PPP1R12C: variants seen among roughly 807,000 people sequenced by gnomAD.
The protein encoded by PPP1R12C is leukocyte receptor cluster (LRC) encoded novel gene 3.
A neutral mutation model predicts 95.6 loss-of-function variants in PPP1R12C; 48 were observed. The observed-to-expected ratio is 0.50, with a 90% CI of 0.40 to 0.64. The LOEUF (loss-of-function observed/expected upper bound fraction) is 0.64, where lower values mean the gene tolerates loss of function less well. PPP1R12C is among the 30% of genes least tolerant of loss of function. PPP1R12C has a pLI of 0.00. For missense variants in PPP1R12C, 1,057 were observed against 1,083.3 expected (o/e 0.98, Z 0.34); for synonymous variants, 480 against 460.8 (o/e 1.04, Z -0.53).
intron 3 of PPP1R12C, among the ~76,000 whole-genome samples, chr19:55,108,415 G>A (rs547292343): frequency 2.6e-5 from 4 of 151,840 alleles, no homozygotes; most frequent in African/African-American, 9.6e-5. Flanking sequence ...GATCACTTGA[G>A]CTCAAGAGTT....
chr19:55,103,486 C>T lies in PPP1R12C; in HGVS notation c.654G>A (p.Met218Ile). The part of the protein sequence containing the change: ...DTRCWLNGGA[M>I]PEARHPRTGA... ...CTGTGCGGGGGTGCCGGGCCTCTGG[C>T]ATGGCGCCCCCATTCAGCCAGCACC... Residue 218 changes from methionine to isoleucine, a missense_variant, in exon 4 of 22, where the codon ATG (methionine) becomes ATA (isoleucine). By Grantham distance (10) the Met-to-Ile change is conservative. Around this residue, in one of 5 missense-constraint regions of PPP1R12C, gnomAD observed 282 missense variants for 380.4 expected, o/e 0.74. Transcript: ENST00000263433. The T allele has an allele frequency of 1.2e-6, 2 of 1,603,756 alleles. No homozygotes were observed. The highest frequency in any genetic ancestry group is 2.2e-5 in the South Asian group (2 of 90,380).
Position 55,109,138 on chromosome 19 carries a change from A to T in PPP1R12C, c.571+3329T>A, listed in dbSNP as rs961573307. On this transcript the variant is annotated intron_variant, in intron 3 of 21. Coordinates refer to ENST00000263433, the MANE Select transcript of PPP1R12C (RefSeq NM_017607.4). The surrounding 1 kb of genome is among the most constrained non-coding windows in gnomAD (Gnocchi z 4.4). The stretch of plus-strand genomic sequence containing the variant: ...TTTTGTTTTGGTTTATTTGGTTGAG[A>T]CAGGGTCTTGCCCCCAGGCTGGAGT... Among the ~76,000 whole-genome samples the T allele has an allele frequency of 6.6e-6, 1 of 152,076 alleles. No homozygotes were observed. The highest frequency in any genetic ancestry group is 6.6e-5 in the Admixed American group (1 of 15,254).
intron 4 of PPP1R12C, among the ~76,000 whole-genome samples, chr19:55,101,900 G>T (rs892534526): frequency 6.6e-6 from 1 of 152,124 alleles, no homozygotes; most frequent in African/African-American, 2.4e-5. Flanking sequence ...GCTGTTACAG[G>T]TGCTAAGCCG....
chr19:55,092,741 G>C (rs1050608084), intron 16 of PPP1R12C, 42 bp downstream of exon 16: 1 of 1,537,422 alleles, frequency 6.5e-7, no homozygotes, highest in Non-Finnish European at 8.8e-7. Context: ...CCGCCCCCCG[G>C]CCCACCCTCT....
chr19:55,107,358 G>T (rs1461068135), intron 3 of PPP1R12C, among the ~76,000 whole-genome samples: 2 of 152,078 alleles, frequency 1.3e-5, no homozygotes. Flanking sequence ...AGGTTGCAGT[G>T]AGTCAAGACC....
At chr19:55,116,590 A>C (rs1295903426) in intron 1 of PPP1R12C, among the ~76,000 whole-genome samples, 1 of 152,118 alleles carries the variant, frequency 6.6e-6, no homozygotes, top group Non-Finnish European at 1.5e-5. Context: ...TGGGAAGGGG[A>C]AACAGTGGGC....
chr19:55,113,756 C>T (rs2085123812), intron 1 of PPP1R12C: 2 of 387,816 alleles, frequency 5.2e-6, no homozygotes, highest in Admixed American at 4.8e-5. Flanking sequence ...TGTGAAGGGG[C>T]CGCACGTGCC....
At chr19:55,094,593 A>C in intron 12 of PPP1R12C, 68 bp downstream of exon 12, 4 of 1,526,710 alleles carry the variant, frequency 2.6e-6, no homozygotes, top group Non-Finnish European at 3.5e-6. Context: ...AAGCCCCGGG[A>C]CTCCTGCTTC....
Position 55,112,765 on chromosome 19 carries a change from G to C in PPP1R12C, c.352C>G (p.Arg118Gly). ...GTGGCGCCCTGCTCCACCAAGAAGC[G>C]CACCACCTCCAGGTTCTCATCAATG... ...ACIDENLEVV[R>G]FLVEQGATVN... Residue 118 changes from arginine to glycine, a missense_variant, in exon 2 of 22, where the codon CGC becomes GGC. By Grantham distance (125) the Arg-to-Gly change is moderately radical. This residue lies in a region of PPP1R12C where 282 missense variants were observed against 380.4 expected (regional missense o/e 0.74). Coordinates refer to ENST00000263433, the MANE Select transcript of PPP1R12C (RefSeq NM_017607.4). The C allele has an allele frequency of 1.2e-6, 2 of 1,613,442 alleles. No individual in the cohort carries two copies. The highest frequency in any genetic ancestry group is 1.7e-6 in the Non-Finnish European group (2 of 1,179,976).
chr19:55,116,662 C>T (rs576852645), intron 1 of PPP1R12C, among the ~76,000 whole-genome samples: 8 of 152,248 alleles, frequency 5.3e-5, no homozygotes, highest in African/African-American at 1.9e-4. Flanking sequence ...GAGACGGCAG[C>T]GTTAGAGGGC....
intron 3 of PPP1R12C, 24 bp downstream of exon 3, chr19:55,112,443 C>T (rs1353329459): frequency 1.3e-6 from 2 of 1,597,896 alleles, no homozygotes; most frequent in Non-Finnish European, 8.5e-7. Context: ...TCCCCCACCC[C>T]ACACACAGCA....
chr19:55,101,539 A>T (rs1602989412), intron 4 of PPP1R12C, among the ~76,000 whole-genome samples: 2 of 152,200 alleles, frequency 1.3e-5, no homozygotes, highest in Non-Finnish European at 2.9e-5. Flanking sequence ...CCGCTTGCGG[A>T]CTGCTCTTTT....
At position 55,117,601 on chromosome 19, in the gene PPP1R12C, C is replaced by T. The variant is rs1191231194; in HGVS notation, c.-58G>A. The T allele has an allele frequency of 1.1e-6, 1 of 898,964 alleles. No homozygotes were observed. Among genetic ancestry groups the T allele is most frequent in the Non-Finnish European group, 1.3e-6 (1 of 763,584 alleles). 55.7% of individuals were successfully genotyped at this position (898,964 alleles called of 1,614,324 possible). On this transcript the variant is annotated 5_prime_UTR_variant, in exon 1 of 22. The change creates a new upstream start codon in the 5' untranslated region. Transcript: ENST00000263433. ...CGCCGAGCCCCAACCGCCGCCACCA[C>T]CCGCCCGCCCGCCCGCCCCGGGGGC... is the stretch of plus-strand genomic sequence containing the variant.
In PPP1R12C at chr19:55,113,526, A is replaced by G. The variant is rs957177269; in HGVS notation, c.322-731T>C. 1.7e-5 allele frequency: 23 copies of G among 1,388,254 alleles called. No individual in the cohort carries two copies. The African/African-American group carries it at 2.2e-4, about 13-fold the overall frequency. 86.0% of individuals were successfully genotyped at this position (1,388,254 alleles called of 1,614,324 possible). A position where few individuals can be genotyped will look rare whatever the true frequency, so the allele number is the denominator to read the frequency against. ...GGGGTCCAAAACTTGGGGGGACAAA[A>G]GCCGAAGTCCAGGGGGTCGGAGGAG... On this transcript the variant is annotated intron_variant, in intron 1 of 21. Transcript: ENST00000263433.
intron 4 of PPP1R12C, among the ~76,000 whole-genome samples, chr19:55,100,191 C>T (rs2084965763): frequency 6.6e-6 from 1 of 152,204 alleles, no homozygotes; most frequent in African/African-American, 2.4e-5. Flanking sequence ...ATCCCCCTGT[C>T]TCCTGACCCC....
intron 9 of PPP1R12C, 37 bp from the exon 10 acceptor site, chr19:55,095,640 A>G (rs773324350): frequency 4.1e-5 from 63 of 1,521,938 alleles, no homozygotes; most frequent in Non-Finnish European, 5.2e-5. Flanking sequence ...GAGAGAAAGG[A>G]TCCCTCTTCT....
In PPP1R12C at chr19:55,117,485, T is replaced by TCCCGGGCAGCCGCCGCCGCCGCC; in HGVS notation, c.36_58dup (p.Glu20GlyfsTer58). On this transcript the variant is annotated frameshift_variant, in exon 1 of 22. Transcript: ENST00000263433. LOFTEE classifies it high-confidence loss of function. ...CTGCCGCAGCTGCTCCCGTCGCCGC[T>TCCCGGGCAGCCGCCGCCGCCGCC]CCCGGGCAGCCGCCGCCGCCGCCCC... The TCCCGGGCAGCCGCCGCCGCCGCC allele has an allele frequency of 9.8e-7, 1 of 1,020,218 alleles. No homozygotes were observed. Among genetic ancestry groups the TCCCGGGCAGCCGCCGCCGCCGCC allele is most frequent in the Non-Finnish European group, 1.2e-6 (1 of 855,318 alleles). The allele number at this position is 1,020,218 out of a possible 1,614,324, so 63.2% of individuals were successfully genotyped here.
Position 55,095,685 on chromosome 19 carries a change from C to T in PPP1R12C, c.1228-82G>A, listed in dbSNP as rs929617772. The stretch of plus-strand genomic sequence containing the variant: ...AGGGTTAGCCCCCAAAGGACTGCAA[C>T]AAACTACAATTCCCATCAGCCCCCG... On this transcript the variant is annotated intron_variant, in intron 9 of 21. Transcript: ENST00000263433. 4.0e-6 allele frequency: 6 copies of T among 1,503,628 alleles called. No homozygotes were observed. In the East Asian group the frequency reaches 9.4e-5, roughly 24 times the overall value. 93.1% of individuals were successfully genotyped at this position (1,503,628 alleles called of 1,614,324 possible). A position where few individuals can be genotyped will look rare whatever the true frequency, so the allele number is the denominator to read the frequency against.
At position 55,095,752 on chromosome 19, in the gene PPP1R12C, A is replaced by G; in HGVS notation, c.1227+115T>C. On this transcript the variant is annotated intron_variant, in intron 9 of 21. Transcript: ENST00000263433. ...AAAAGGAAGCCGGTTGTCCAGGACGACTCTGGGAACTATAGTCTTCCCCCT... is the reference window on the plus strand; with the variant it reads ...AAAAGGAAGCCGGTTGTCCAGGACGGCTCTGGGAACTATAGTCTTCCCCCT... 3 of 1,521,366 alleles carry G rather than the reference A, an allele frequency of 2.0e-6. No individual in the cohort carries two copies. In the African/African-American group the frequency reaches 4.1e-5, roughly 21 times the overall value. The allele number at this position is 1,521,366 out of a possible 1,614,324, so 94.2% of individuals were successfully genotyped here. A position where few individuals can be genotyped will look rare whatever the true frequency, so the allele number is the denominator to read the frequency against.
Sources: allele counts gnomAD v4.1 joint callset (sites outside exome capture counted in the v4.1 genomes callset), GRCh38; gene constraint gnomAD v4.1.1; regional missense constraint gnomAD v4.1.1; non-coding constraint Gnocchi (gnomAD v3.1); transcripts MANE v1.5; gene names NCBI Gene and HGNC (gene_info 2026-07-23, HGNC 2026-07-21).